The following PBXIP1 variants were observed in gnomAD, a reference collection of about 807,000 sequenced individuals.
PBXIP1 encodes the protein PBX homeobox interacting protein 1, also known as pre-B-cell leukemia transcription factor-interacting protein 1.
Under a neutral mutation model 73.7 loss-of-function variants are expected in PBXIP1, and 73 were observed. That is an observed-to-expected ratio of 0.99 (90% CI 0.82 to 1.20). PBXIP1 has a LOEUF of 1.20. PBXIP1 is among the 50% of genes most tolerant of loss of function. The pLI, the probability that PBXIP1 is intolerant of heterozygous loss-of-function variation, is 0.00. For synonymous variants in PBXIP1, 330 were observed against 366.9 expected (o/e 0.90, Z 1.15); for missense variants, 818 against 911.4 (o/e 0.90, Z 1.32).
chr1:154,949,205 G>T (rs540900602), intron 5 of PBXIP1, among the ~76,000 whole-genome samples: 1 of 150,756 alleles, frequency 6.6e-6, no homozygotes, highest in East Asian at 2.0e-4. Context: ...TGGCTCTGTC[G>T]TCCAGGCTGG....
In PBXIP1 at chr1:154,946,927, A is replaced by G. The variant is rs1654847204; in HGVS notation, c.871-124T>C. Reference sequence around the variant, plus strand: ...GGCCTGAGCCCGTTTTACAGCCTGGAACACCCAGAGGATTTGGTTTTCATC... The same window carrying G: ...GGCCTGAGCCCGTTTTACAGCCTGGGACACCCAGAGGATTTGGTTTTCATC... On this transcript the variant is annotated intron_variant, in intron 9 of 10. Transcript: ENST00000368463. The G allele has an allele frequency of 3.3e-6, 3 of 900,064 alleles. No individual in the cohort carries two copies. In the South Asian group the frequency reaches 6.2e-5, roughly 18 times the overall value. 55.8% of individuals were successfully genotyped at this position (900,064 alleles called of 1,614,324 possible).
In PBXIP1 at chr1:154,945,567, C is replaced by A. The variant is rs867129807; in HGVS notation, c.2102+5G>T. ...ACCCGACCCAACTCCCCCACAGCTG[C>A]CCACCTCTTCTTCAGTGCTTTGTCT... is the stretch of plus-strand genomic sequence containing the variant. On this transcript the variant is annotated splice_donor_5th_base_variant and intron_variant, in intron 10 of 10. Transcript: ENST00000368463. 4 of 1,608,604 alleles carry A rather than the reference C, an allele frequency of 2.5e-6. No homozygotes were observed. In the African/African-American group the frequency reaches 5.3e-5, roughly 21 times the overall value.
chr1:154,945,549 C>A (rs2101981780), intron 10 of PBXIP1, 23 bp downstream of exon 10: 1 of 1,601,608 alleles, frequency 6.2e-7, no homozygotes, highest in Non-Finnish European at 8.5e-7. Context: ...CCCACCCGAC[C>A]CAACTCCCCC....
intron 2 of PBXIP1, 131 bp downstream of exon 2, chr1:154,953,540 T>C: frequency 1.6e-6 from 1 of 627,608 alleles, no homozygotes; most frequent in South Asian, 1.9e-5. Flanking sequence ...CTGGAATTCC[T>C]CTAACAGCCA....
chr1:154,946,631 C>A lies in PBXIP1; in HGVS notation c.1043G>T (p.Gly348Val). 6.2e-7 allele frequency: 1 copy of A among 1,612,174 alleles called. No individual in the cohort carries two copies. The highest frequency in any genetic ancestry group is 8.5e-7 in the Non-Finnish European group (1 of 1,178,784). ...LQGLEADCVRGPDGVCLSGGR... is the reference protein window; with the variant it reads ...LQGLEADCVRVPDGVCLSGGR... ...CCCACTGAGGCACACCCCATCTGGG[C>A]CCCGGACACAGTCGGCCTCCAGCCC... The change falls in exon 10 of 11, where the codon GGC becomes GTC. Residue 348 changes from glycine to valine, a missense_variant. Gly to Val is a moderately radical substitution (Grantham distance 109, BLOSUM62 -3). Coordinates refer to ENST00000368463, the MANE Select transcript of PBXIP1 (RefSeq NM_020524.4).
At position 154,945,696 on chromosome 1, in the gene PBXIP1, C is replaced by T. The variant is rs1341000430; in HGVS notation, c.1978G>A (p.Val660Met). 1 of 1,614,104 alleles carries T rather than the reference C, an allele frequency of 6.2e-7. No individual in the cohort carries two copies. The highest frequency in any genetic ancestry group is 1.3e-5 in the African/African-American group (1 of 74,928). ...RHDRLRFRDF[V>M]DALEDSLEEV... ...TCCAAGCTGTCCTCCAGGGCATCCA[C>T]AAAATCCCGGAAGCGGAGGCGGTCA... The change falls in exon 10 of 11, where the codon GTG (valine) becomes ATG (methionine). Residue 660 changes from valine (V) to methionine (M), a missense_variant. Coordinates refer to ENST00000368463, the MANE Select transcript of PBXIP1 (RefSeq NM_020524.4).
rs1211517159 is a variant in PBXIP1, at chr1:154,946,204, C to T, written c.1470G>A (p.Trp490Ter). The change falls in exon 10 of 11, where the codon TGG becomes TGA. Residue 490 changes from tryptophan to a stop codon, truncating the protein, a stop_gained. Coordinates refer to ENST00000368463, the MANE Select transcript of PBXIP1 (RefSeq NM_020524.4). LOFTEE classifies it high-confidence loss of function. ...GGCCAGATTCTTCCTTCTTATGTTTCCAGTGCTCAGCCTTCCGGTCTCTCT... is the reference window on the plus strand; with the variant it reads ...GGCCAGATTCTTCCTTCTTATGTTTTCAGTGCTCAGCCTTCCGGTCTCTCT... The part of the protein sequence containing the change: ...DGQRDRKAEH[W>*]KHKKEESGRE... The T allele has an allele frequency of 1.9e-6, 3 of 1,614,050 alleles. No individual in the cohort carries two copies. The highest frequency in any genetic ancestry group is 4.5e-5 in the East Asian group (2 of 44,890).
intron 5 of PBXIP1, among the ~76,000 whole-genome samples, chr1:154,948,945 T>C (rs111290363): frequency 0.086 from 13,137 of 152,140 alleles, 1,916 homozygotes; most frequent in African/African-American, 0.3. Context: ...AACACACTGC[T>C]CTGCAAACTG....
At chr1:154,950,448 C>T (rs1018598612) in intron 5 of PBXIP1, 5 of 152,534 alleles carry the variant, frequency 3.3e-5, no homozygotes, top group East Asian at 3.9e-4. Context: ...CCTACCTCAG[C>T]CTCCCAAAGT....
chr1:154,945,464 A>C, intron 10 of PBXIP1, 108 bp downstream of exon 10: 2 of 1,197,346 alleles, frequency 1.7e-6, no homozygotes, highest in East Asian at 2.3e-5. Flanking sequence ...CTCTAAGGGA[A>C]GCCAGCTGGG....
chr1:154,952,959 T>C (rs1655057377), intron 2 of PBXIP1, among the ~76,000 whole-genome samples: 1 of 152,182 alleles, frequency 6.6e-6, no homozygotes, highest in Non-Finnish European at 1.5e-5. Flanking sequence ...GTGGCTCTAA[T>C]ATACAAAGTC....
Position 154,946,356 on chromosome 1 carries a change from G to A in PBXIP1, c.1318C>T (p.Leu440=). 1 of 1,613,746 alleles carries A rather than the reference G, an allele frequency of 6.2e-7. No individual in the cohort carries two copies. The highest frequency in any genetic ancestry group is 8.5e-7 in the Non-Finnish European group (1 of 1,179,932). The part of the protein sequence containing the change: ...AELGHRLAQK[L]QGLENWGQDP... ...TGGCCCCAGTTCTCCAGGCCCTGCA[G>A]TTTCTGGGCCAATCTGTGGCCCAGC... is the stretch of plus-strand genomic sequence containing the variant. The change falls in exon 10 of 11, where the codon CTG becomes TTG. Residue 440 remains leucine (L), a synonymous_variant. Coordinates refer to ENST00000368463, the MANE Select transcript of PBXIP1 (RefSeq NM_020524.4).
In PBXIP1 at chr1:154,944,983, G is replaced by A. The variant is rs936424805; in HGVS notation, c.*41C>T. 1 of 1,517,300 alleles carries A rather than the reference G, an allele frequency of 6.6e-7. No homozygotes were observed. The highest frequency in any genetic ancestry group is 9.1e-7 in the Non-Finnish European group (1 of 1,093,154). 94.0% of individuals were successfully genotyped at this position (1,517,300 alleles called of 1,614,324 possible). On this transcript the variant is annotated 3_prime_UTR_variant, in exon 11 of 11. Transcript: ENST00000368463. ...AGGAGTTAGATAACGCTGGGATCTTGGGCTGGGCCAGGCCAAGGCCATTCC... is the reference window on the plus strand; with the variant it reads ...AGGAGTTAGATAACGCTGGGATCTTAGGCTGGGCCAGGCCAAGGCCATTCC...
chr1:154,952,089 GCCAGGTTTC>G (rs1188756633), intron 2 of PBXIP1, among the ~76,000 whole-genome samples, 168 bp from the exon 3 acceptor site: 3 of 152,160 alleles, frequency 2.0e-5, no homozygotes, highest in Non-Finnish European at 4.4e-5. Flanking sequence ...ACTTTCAGGG[GCCAGGTTTC>G]CGCTACACAG....
intron 2 of PBXIP1, among the ~76,000 whole-genome samples, chr1:154,952,463 A>C (rs1385314122): frequency 6.6e-6 from 1 of 151,822 alleles, no homozygotes; most frequent in African/African-American, 2.4e-5. Context: ...CCAACCACAG[A>C]CAGCCTGTCT....
intron 1 of PBXIP1, among the ~76,000 whole-genome samples, chr1:154,955,526 T>A (rs1655149260): frequency 1.3e-5 from 2 of 152,198 alleles, no homozygotes; most frequent in African/African-American, 4.8e-5. Flanking sequence ...CTTTCTTGGT[T>A]AGGTTAACCC....
In PBXIP1 at chr1:154,946,113, T is replaced by C; in HGVS notation, c.1561A>G (p.Arg521Gly). Reference sequence around the variant, plus strand: ...CTCCCCGACTCCTCCACCCTTGGCCTGCCCTCCTTCCACCTTCCTGCTGGC... The same window carrying C: ...CTCCCCGACTCCTCCACCCTTGGCCCGCCCTCCTTCCACCTTCCTGCTGGC... ...REPAGRWKEGRPRVEESGSKK... is the reference protein window; with the variant it reads ...REPAGRWKEGGPRVEESGSKK... Residue 521 changes from arginine (R) to glycine (G), a missense_variant, in exon 10 of 11, where the codon AGG becomes GGG. Coordinates refer to ENST00000368463, the MANE Select transcript of PBXIP1 (RefSeq NM_020524.4). 1 of 1,614,158 alleles carries C rather than the reference T, an allele frequency of 6.2e-7. No homozygotes were observed. The highest frequency in any genetic ancestry group is 8.5e-7 in the Non-Finnish European group (1 of 1,180,008).
In PBXIP1 at chr1:154,946,159, C is replaced by A. The variant is rs1654805287; in HGVS notation, c.1515G>T (p.Trp505Cys). The change falls in exon 10 of 11, where the codon TGG (tryptophan) becomes TGT (cysteine). Residue 505 changes from tryptophan to cysteine, a missense_variant. Coordinates refer to ENST00000368463, the MANE Select transcript of PBXIP1 (RefSeq NM_020524.4). Reference protein sequence around the residue: ...EESGRERKKNWGGQEDREPAG... With the variant: ...EESGRERKKNCGGQEDREPAG... The stretch of plus-strand genomic sequence containing the variant: ...CTGGCTCCCTGTCCTCCTGACCTCC[C>A]CAGTTCTTCTTCCTTTCCCGGCCAG... The A allele has an allele frequency of 6.2e-7, 1 of 1,614,158 alleles. No homozygotes were observed.
At position 154,951,136 on chromosome 1, in the gene PBXIP1, G is replaced by T; in HGVS notation, c.409+96C>A. 8.6e-7 allele frequency: 1 copy of T among 1,164,238 alleles called. No individual in the cohort carries two copies. The highest frequency in any genetic ancestry group is 1.3e-6 in the Non-Finnish European group (1 of 797,186). 72.1% of individuals were successfully genotyped at this position (1,164,238 alleles called of 1,614,324 possible). A position where few individuals can be genotyped will look rare whatever the true frequency, so the allele number is the denominator to read the frequency against. On this transcript the variant is annotated intron_variant, in intron 5 of 10. Coordinates refer to ENST00000368463, the MANE Select transcript of PBXIP1 (RefSeq NM_020524.4). This position sits in a 1 kb window ranked among gnomAD's most constrained non-coding sequence, Gnocchi z 4.3. ...GAGAGCACCAAGCTGCTCAGCCCTA[G>T]GGCCTGGACCACAGCATGTGCTCAG...
Sources: allele counts gnomAD v4.1 joint callset (sites outside exome capture counted in the v4.1 genomes callset), GRCh38; gene constraint gnomAD v4.1.1; non-coding constraint Gnocchi (gnomAD v3.1); transcripts MANE v1.5; gene names NCBI Gene and HGNC (gene_info 2026-07-23, HGNC 2026-07-21).